The following THSD4 variants were observed in gnomAD, a reference collection of about 807,000 sequenced individuals.
THSD4 encodes thrombospondin type 1 domain containing 4, also known as thrombospondin type-1 domain-containing protein 4.
Under a neutral mutation model 119.0 loss-of-function variants are expected in THSD4, and 69 were observed. That is an observed-to-expected ratio of 0.58 (90% CI 0.48 to 0.71). The LOEUF (loss-of-function observed/expected upper bound fraction) is 0.71, where lower values mean the gene tolerates loss of function less well. Ranked by LOEUF, THSD4 falls within the 30% of genes least tolerant of loss-of-function variation. The pLI is 0.00. For missense variants in THSD4, 1,393 were observed against 1,391.1 expected (o/e 1.00, Z -0.02); for synonymous variants, 524 against 540.4 (o/e 0.97, Z 0.42).
chr15:71,576,630 C>G (rs1595897831), intron 7 of THSD4, among the ~76,000 whole-genome samples: 1 of 152,160 alleles, frequency 6.6e-6, no homozygotes, highest in Non-Finnish European at 1.5e-5. Context: ...GATTGACAAC[C>G]ATTTGATTTT....
chr15:71,488,294 A>G (rs1029862669), intron 7 of THSD4, among the ~76,000 whole-genome samples: 16 of 152,372 alleles, frequency 1.1e-4, no homozygotes, highest in African/African-American at 3.8e-4. Context: ...TCTGGCATAC[A>G]TGCCACCTGA....
chr15:71,346,041 A>T (rs1313179969), intron 6 of THSD4, among the ~76,000 whole-genome samples: 1 of 152,152 alleles, frequency 6.6e-6, no homozygotes, highest in East Asian at 1.9e-4. Flanking sequence ...TTCAAGTTTC[A>T]CCAGTTGTCC....
intron 6 of THSD4, among the ~76,000 whole-genome samples, chr15:71,286,849 C>T (rs2044724040): frequency 6.6e-6 from 1 of 152,276 alleles, no homozygotes; most frequent in South Asian, 2.1e-4. Flanking sequence ...GCCATTCTGA[C>T]TGGTGTGAGT....
chr15:71,686,746 T>C (rs1277298787), intron 8 of THSD4, among the ~76,000 whole-genome samples: 1 of 152,108 alleles, frequency 6.6e-6, no homozygotes, highest in Non-Finnish European at 1.5e-5. Context: ...AAACTGAAGA[T>C]TTACAGCCAG....
At chr15:71,767,727 G>A (rs2053738134) in intron 16 of THSD4, 1 of 152,228 alleles carries the variant, frequency 6.6e-6, no homozygotes, top group South Asian at 2.1e-4. Flanking sequence ...CACTGAAAGA[G>A]TCTAGAATCA....
chr15:71,534,542 T>C (rs966083332), intron 7 of THSD4, among the ~76,000 whole-genome samples: 4 of 152,240 alleles, frequency 2.6e-5, no homozygotes, highest in African/African-American at 9.6e-5. Context: ...GAATAATTTT[T>C]GTTTTGTTAC....
At chr15:71,724,292 TTTTTTC>T (rs1314342629) in intron 8 of THSD4, among the ~76,000 whole-genome samples, 1 of 126,934 alleles carries the variant, frequency 7.9e-6, no homozygotes, top group East Asian at 2.8e-4. Flanking sequence ...TATATATTTT[TTTTTTC>T]CCCCCAAGAT....
intron 6 of THSD4, among the ~76,000 whole-genome samples, chr15:71,276,030 C>T (rs1006896372): frequency 4.6e-5 from 7 of 152,214 alleles, no homozygotes; most frequent in Admixed American, 4.6e-4. Context: ...TAAACAGCTA[C>T]CAAACCTGCC....
At chr15:71,588,343 G>C (rs1161305351) in intron 7 of THSD4, among the ~76,000 whole-genome samples, 1 of 150,998 alleles carries the variant, frequency 6.6e-6, no homozygotes, top group African/African-American at 2.4e-5. Flanking sequence ...ATTGGGAAAA[G>C]TGAGACACAG....
At chr15:71,284,829 A>T (rs976049591) in intron 6 of THSD4, among the ~76,000 whole-genome samples, 1 of 150,372 alleles carries the variant, frequency 6.7e-6, no homozygotes, top group Non-Finnish European at 1.5e-5. Flanking sequence ...TTTTCTCATT[A>T]AAAAAAAACA....
chr15:71,725,428 T>A (rs1443205576), intron 8 of THSD4, among the ~76,000 whole-genome samples: 1 of 152,170 alleles, frequency 6.6e-6, no homozygotes, highest in Admixed American at 6.5e-5. Flanking sequence ...AGGAAATTGC[T>A]CATGAAAGGA....
rs370450910 is a variant in THSD4 at position 71,548,739 on chromosome 15, G to A, written c.1153-111791G>A. On this transcript the variant is annotated intron_variant, in intron 7 of 17. Transcript: ENST00000261862. ...TGCCCTCTAGTTGTAGTTGAAGTTC[G>A]CAATTTCCCTGTTGATTTTTTTCGT... 5.4e-4 allele frequency among the ~76,000 whole-genome samples: 82 copies of A among 152,298 alleles called. No individual in the cohort carries two copies. In the South Asian group the frequency reaches 0.012, roughly 23 times the overall value.
At chr15:71,277,750 G>C (rs997140316) in intron 6 of THSD4, among the ~76,000 whole-genome samples, 10 of 152,142 alleles carry the variant, frequency 6.6e-5, no homozygotes, top group African/African-American at 2.4e-4. Flanking sequence ...CCTATTCTGT[G>C]ACTGTCACTG....
rs144430969 is a variant in THSD4, at chr15:71,328,519, C to T, written c.1015+71804C>T. Among the ~76,000 whole-genome samples, 724 of 152,284 alleles carry T rather than the reference C, an allele frequency of 4.8e-3. 3 individuals carry two copies. The highest frequency in any genetic ancestry group is 0.025 in the South Asian group (120 of 4,822). Reference sequence around the variant, plus strand: ...ATATTTATCAAGCATCCACTATGTTCCAGGTGCGATTCCAGGCTTCAGAGA... The same window carrying T: ...ATATTTATCAAGCATCCACTATGTTTCAGGTGCGATTCCAGGCTTCAGAGA... On this transcript the variant is annotated intron_variant, in intron 6 of 17. Coordinates refer to ENST00000261862, the MANE Select transcript of THSD4 (RefSeq NM_024817.3).
intron 7 of THSD4, among the ~76,000 whole-genome samples, chr15:71,613,707 A>G (rs1424674131): frequency 2.0e-5 from 3 of 152,172 alleles, no homozygotes; most frequent in Non-Finnish European, 4.4e-5. Flanking sequence ...TCTTCTGTGC[A>G]CACACAGGAT....
Position 71,527,708 on chromosome 15 carries a change from C to CTTTTTTTT in THSD4, c.1152+115900_1152+115907dup, listed in dbSNP as rs10635101. 3.5e-4 allele frequency among the ~76,000 whole-genome samples: 28 copies of CTTTTTTTT among 79,738 alleles called. 2 individuals carry two copies. The highest frequency in any genetic ancestry group is 1.5e-3 in the East Asian group (3 of 2,048). 52.3% of individuals were successfully genotyped at this position (79,738 alleles called of 152,430 possible). A position where few individuals can be genotyped will look rare whatever the true frequency, so the allele number is the denominator to read the frequency against. ...GATTTTTTTTCCCCATGTTTATCCT[C>CTTTTTTTT]TTTTTTTTTTTTTTTTTTTTTTGAG... On this transcript the variant is annotated intron_variant, in intron 7 of 17. Coordinates refer to ENST00000261862, the MANE Select transcript of THSD4 (RefSeq NM_024817.3).
At chr15:71,464,495 A>G (rs1026028597) in intron 7 of THSD4, among the ~76,000 whole-genome samples, 44 of 152,198 alleles carry the variant, frequency 2.9e-4, no homozygotes, top group African/African-American at 9.7e-4. Flanking sequence ...TCACAGTTCA[A>G]GGTAGCCGTG....
intron 7 of THSD4, among the ~76,000 whole-genome samples, chr15:71,441,397 A>ATTTTTT (rs1215547880): frequency 0.29 from 20,989 of 72,308 alleles, 4,272 homozygotes; most frequent in Non-Finnish European, 0.35. Flanking sequence ...CACCTGTAGA[A>ATTTTTT]TTTTTTTTTT....
intron 7 of THSD4, among the ~76,000 whole-genome samples, chr15:71,471,401 TTC>T (rs1230403850): frequency 8.6e-5 from 13 of 151,906 alleles, no homozygotes; most frequent in Admixed American, 6.6e-4. Flanking sequence ...GCTTAATACT[TTC>T]TGTTTCATCT....
Sources: gnomAD v4.1 joint callset for allele counts (sites outside exome capture counted in the v4.1 genomes callset) on GRCh38, gnomAD v4.1.1 for gene constraint, MANE v1.5 for transcripts, NCBI Gene and HGNC (gene_info 2026-07-23, HGNC 2026-07-21) for gene names.